PCDHA6: variants seen among roughly 807,000 people sequenced by gnomAD.
PCDHA6 encodes the protein protocadherin alpha 6.
In PCDHA6, 55 loss-of-function variants were observed where a neutral mutation model predicts 60.3. That is an observed-to-expected ratio of 0.91 (90% CI 0.73 to 1.14). PCDHA6 has a LOEUF of 1.14. Among genes scored for constraint, PCDHA6 ranks in the 50% most tolerant of loss-of-function variants. PCDHA6 has a pLI of 0.00. For missense variants in PCDHA6, 1,327 were observed against 1,256.5 expected, an observed-to-expected ratio of 1.06 and a Z score of -0.85; for synonymous variants, 652 against 557.9, an observed-to-expected ratio of 1.17 and a Z score of -2.38.
intron 1 of PCDHA6, among the ~76,000 whole-genome samples, chr5:140,880,149 A>G (rs1347832078): frequency 1.3e-5 from 2 of 152,266 alleles, no homozygotes; most frequent in Non-Finnish European, 2.9e-5. Flanking sequence ...AGTGCAATAT[A>G]TCAAGTATAT....
At chr5:140,994,811 A>G (rs1283053490) in intron 3 of PCDHA6, among the ~76,000 whole-genome samples, 1 of 152,194 alleles carries the variant, frequency 6.6e-6, no homozygotes, top group Non-Finnish European at 1.5e-5. Context: ...ACAAAATACA[A>G]AAAACTGAAT....
rs1031755500 is a variant in PCDHA6 at position 140,856,096 on chromosome 5, G to T, written c.2394+25611G>T. ...TGGGGGTCCAGTGTCTGCTGCTCTC[G>T]CTTCTTCTCCTCGCAGCCTGGGAGG... On this transcript the variant is annotated intron_variant, in intron 1 of 3. Transcript: ENST00000529310. 7 of 1,597,458 alleles carry T rather than the reference G, an allele frequency of 4.4e-6. 1 individual carries two copies. The highest frequency in any genetic ancestry group is 6.0e-6 in the Non-Finnish European group (7 of 1,167,222).
intron 1 of PCDHA6, chr5:140,857,501 G>C (rs1554150129): frequency 6.3e-7 from 1 of 1,598,242 alleles, no homozygotes; most frequent in Non-Finnish European, 8.6e-7. Flanking sequence ...GGACGCGCAG[G>C]AGAACGCCCT....
At position 140,850,532 on chromosome 5, in the gene PCDHA6, G is replaced by A. The variant is rs140380568; in HGVS notation, c.2394+20047G>A. 9.4e-6 allele frequency: 15 copies of A among 1,598,364 alleles called. 1 individual carries two copies. Among genetic ancestry groups the A allele is most frequent in the Admixed American group, 6.7e-5 (4 of 59,316 alleles). ...AGAGCGGCCAGGCGCCAAAGTCATC[G>A]TCGCGGGCGTCAGTGGGTGCCACGG... On this transcript the variant is annotated intron_variant, in intron 1 of 3. Transcript: ENST00000529310.
In PCDHA6 at chr5:140,848,765, C is replaced by A; in HGVS notation, c.2394+18280C>A. ...GCATTTTGTTTGTGAATTCTCGGAT[C>A]GACCGCGAGGAGCTGTGCGGGCGGA... On this transcript the variant is annotated intron_variant, in intron 1 of 3. Coordinates refer to ENST00000529310, the MANE Select transcript of PCDHA6 (RefSeq NM_018909.4). 3.8e-6 allele frequency: 6 copies of A among 1,593,356 alleles called. 1 individual carries two copies. The highest frequency in any genetic ancestry group is 2.2e-5 in the South Asian group (2 of 90,232).
chr5:140,909,895 C>A (rs1296442880), intron 1 of PCDHA6, among the ~76,000 whole-genome samples: 1 of 152,152 alleles, frequency 6.6e-6, no homozygotes, highest in Non-Finnish European at 1.5e-5. Context: ...GTTCAGTAGT[C>A]CCTGAAATGG....
chr5:140,858,944 T>TA (rs2045667793), intron 1 of PCDHA6: 1 of 159,332 alleles, frequency 6.3e-6, no homozygotes, highest in Admixed American at 6.4e-5. Context: ...TGTTCAGTGA[T>TA]TACAGCTTTT....
At chr5:140,870,473 C>G (rs1232580918) in intron 1 of PCDHA6, 1 of 1,614,124 alleles carries the variant, frequency 6.2e-7, no homozygotes, top group Non-Finnish European at 8.5e-7. Context: ...TTCGCACAGC[C>G]CGAGTACACC....
intron 1 of PCDHA6, among the ~76,000 whole-genome samples, chr5:140,959,306 T>C (rs1554224009): frequency 6.6e-6 from 1 of 152,072 alleles, no homozygotes. Flanking sequence ...AGCCCGGTGG[T>C]TGAAGCTGCA....
Position 140,981,745 on chromosome 5 carries a change from T to C in PCDHA6, c.2454-730T>C, listed in dbSNP as rs145941614. On this transcript the variant is annotated intron_variant, in intron 2 of 3. Coordinates refer to ENST00000529310, the MANE Select transcript of PCDHA6 (RefSeq NM_018909.4). ...CAAATATTTGAGAGATTAATATGAG[T>C]TAGTATTAGACATACATAAATGAAT... Among the ~76,000 whole-genome samples the C allele has an allele frequency of 1.1e-3, 160 of 152,294 alleles. 1 individual carries two copies. The East Asian group carries it at 0.027, about 25-fold the overall frequency.
chr5:140,835,159 C>A, intron 1 of PCDHA6: 1 of 1,456,016 alleles, frequency 6.9e-7, no homozygotes, highest in Non-Finnish European at 9.3e-7. Flanking sequence ...TCTATCGGAA[C>A]GCTGGTGATT....
intron 1 of PCDHA6, among the ~76,000 whole-genome samples, chr5:140,938,521 T>C (rs2092100005): frequency 6.6e-6 from 1 of 150,974 alleles, no homozygotes; most frequent in African/African-American, 2.4e-5. Context: ...TTTTCTGTTA[T>C]TGAATGGATA....
At chr5:140,983,142 CTTGGCATGCATG>C (rs1316699573) in intron 3 of PCDHA6, among the ~76,000 whole-genome samples, 4 of 152,212 alleles carry the variant, frequency 2.6e-5, no homozygotes, top group Admixed American at 6.5e-5. Flanking sequence ...CTTTTAGTGC[CTTGGCATGCATG>C]TTGCCAAACA....
At chr5:140,884,033 C>T in intron 1 of PCDHA6, 1 of 1,613,402 alleles carries the variant, frequency 6.2e-7, no homozygotes, top group Non-Finnish European at 8.5e-7. Context: ...GGGTGCAGGC[C>T]ACGTGGTGGC....
intron 1 of PCDHA6, among the ~76,000 whole-genome samples, chr5:140,946,305 T>C (rs1484740423): frequency 6.6e-6 from 1 of 151,868 alleles, no homozygotes; most frequent in East Asian, 1.9e-4. Flanking sequence ...CCTGGTAGAA[T>C]GGCTATTATT....
intron 3 of PCDHA6, among the ~76,000 whole-genome samples, chr5:140,996,747 T>C (rs940274322): frequency 1.3e-5 from 2 of 152,190 alleles, no homozygotes; most frequent in Non-Finnish European, 2.9e-5. Flanking sequence ...TAACAAATTA[T>C]ATCTGTGCAG....
chr5:140,871,598 G>A (rs2053214620), intron 1 of PCDHA6: 1 of 1,452,006 alleles, frequency 6.9e-7, no homozygotes, highest in African/African-American at 1.4e-5. Flanking sequence ...TGAATAACCA[G>A]TGTTTTGAAT....
intron 1 of PCDHA6, chr5:140,834,397 A>G: frequency 1.3e-6 from 2 of 1,599,794 alleles, no homozygotes; most frequent in Non-Finnish European, 1.7e-6. Context: ...GTGTGCCCGA[A>G]TGGATACGAC....
chr5:140,887,496 A>G (rs1351125742), intron 1 of PCDHA6, among the ~76,000 whole-genome samples: 1 of 152,072 alleles, frequency 6.6e-6, no homozygotes, highest in Non-Finnish European at 1.5e-5. Context: ...CATAGTTTCT[A>G]ATAAGATGTT....
Sources: gnomAD v4.1 joint callset for allele counts (sites outside exome capture counted in the v4.1 genomes callset) on GRCh38, gnomAD v4.1.1 for gene constraint, MANE v1.5 for transcripts, NCBI Gene and HGNC (gene_info 2026-07-23, HGNC 2026-07-21) for gene names.